RSRP1: variants seen among roughly 807,000 people sequenced by gnomAD.
RSRP1 encodes arginine/serine-rich protein 1.
In RSRP1, 37 loss-of-function variants were observed where a neutral mutation model predicts 33.0. The ratio of observed to expected loss-of-function variants is 1.12; its 90% CI spans 0.86 to 1.48. The LOEUF (loss-of-function observed/expected upper bound fraction) is 1.48. Ranked by LOEUF, RSRP1 falls within the 40% of genes most tolerant of loss-of-function variation. The pLI is 0.00. For synonymous variants in RSRP1, 167 were observed against 158.7 expected, an observed-to-expected ratio of 1.05 and a Z score of -0.40; for missense variants, 402 against 385.3, an observed-to-expected ratio of 1.04 and a Z score of -0.36.
At chr1:25,322,814 C>T (rs1644787545) in intron 1 of RSRP1, among the ~76,000 whole-genome samples, 3 of 124,970 alleles carry the variant, frequency 2.4e-5, no homozygotes, top group Admixed American at 2.4e-4. Context: ...TTCTCTCGGC[C>T]CCAAAGAAGG....
intron 1 of RSRP1, among the ~76,000 whole-genome samples, chr1:25,258,903 T>C (rs892929268): frequency 1.3e-5 from 2 of 152,172 alleles, no homozygotes; most frequent in African/African-American, 2.4e-5. Flanking sequence ...GCGCAGGCAC[T>C]GGAGTCAGAG....
In RSRP1 at chr1:25,269,240, A is replaced by C. The variant is rs1377965931; in HGVS notation, c.-66-22211T>G. Reference sequence around the variant, plus strand: ...CCTCTAACACAAAGCCTATTTTATGATAAAGTATTGAATATCTCATGTAAT... The same window carrying C: ...CCTCTAACACAAAGCCTATTTTATGCTAAAGTATTGAATATCTCATGTAAT... On this transcript the variant is annotated intron_variant, in intron 1 of 1. Transcript: ENST00000561867. Among the ~76,000 whole-genome samples, 4 of 133,104 alleles carry C rather than the reference A, an allele frequency of 3.0e-5. No individual in the cohort carries two copies. The East Asian group carries it at 7.8e-4, about 26-fold the overall frequency. 87.3% of individuals were successfully genotyped at this position (133,104 alleles called of 152,430 possible).
chr1:25,270,455 G>A lies in RSRP1; in HGVS notation c.-66-23426C>T, dbSNP rs1417948994. Among the ~76,000 whole-genome samples the A allele has an allele frequency of 2.3e-5, 3 of 131,064 alleles. 1 individual carries two copies. Among genetic ancestry groups the A allele is most frequent in the Non-Finnish European group, 5.4e-5 (3 of 55,520 alleles). The allele number at this position is 131,064 out of a possible 152,430, so 86.0% of individuals were successfully genotyped here. On this transcript the variant is annotated intron_variant, in intron 1 of 1. Coordinates refer to the RSRP1 transcript ENST00000561867. ...TCTCATAGGGGCACAAACCCTATTG[G>A]GAACCGCGCATGAGAGGGATCTAGG...
At chr1:25,334,295 CT>C (rs1645051940) in intron 1 of RSRP1, among the ~76,000 whole-genome samples, 1 of 131,990 alleles carries the variant, frequency 7.6e-6, no homozygotes, top group African/African-American at 2.6e-5. Context: ...AATCTTAAAG[CT>C]CCAAAATGAT....
At chr1:25,300,993 T>G (rs1643344225) in intron 1 of RSRP1, 1 of 1,375,464 alleles carries the variant, frequency 7.3e-7, no homozygotes. Flanking sequence ...TCGCAGCCTA[T>G]TTTGGGCTGT....
At chr1:25,266,860 T>C (rs2124567882) in intron 1 of RSRP1, 1 of 121,482 alleles carries the variant, frequency 8.2e-6, no homozygotes. Flanking sequence ...GCACACGACC[T>C]TCCCCCGAGA....
rs758789595 is a variant in RSRP1, at chr1:25,246,601, AG to A, written c.362del (p.Ser121PhefsTer50). 1.9e-6 allele frequency: 3 copies of A among 1,614,098 alleles called. No individual in the cohort carries two copies. In the Admixed American group the frequency reaches 5.0e-5, roughly 27 times the overall value. ...YRSRSRSRSR[S>X]RGRSYCGRAY... ...CCCTTCCGCAGTACGACCTTCCCCGAGAGCGCGACCTGCTACGGGACCGGGA... is the reference window on the plus strand; with the variant it reads ...CCCTTCCGCAGTACGACCTTCCCCGAAGCGCGACCTGCTACGGGACCGGGA... On this transcript the variant is annotated frameshift_variant, in exon 2 of 5. Coordinates refer to ENST00000243189, the MANE Select transcript of RSRP1 (RefSeq NM_020317.5). LOFTEE classifies it high-confidence loss of function.
At chr1:25,283,710 G>T (rs1302958368) in intron 1 of RSRP1, among the ~76,000 whole-genome samples, 1 of 133,828 alleles carries the variant, frequency 7.5e-6, no homozygotes, top group Non-Finnish European at 1.8e-5. Context: ...CATGGTAAAC[G>T]CTTAGGAAAT....
At position 25,280,334 on chromosome 1, in the gene RSRP1, C is replaced by T. The variant is rs550534602; in HGVS notation, c.-66-33305G>A. ...TTTTTTTTTTTTTTTGAGCTGCAGT[C>T]TCACTCTGTCATCCAGGCTGGAGTA... On this transcript the variant is annotated intron_variant, in intron 1 of 1. Coordinates refer to the RSRP1 transcript ENST00000561867. 8.8e-4 allele frequency among the ~76,000 whole-genome samples: 106 copies of T among 120,778 alleles called. 12 individuals carry two copies. The highest frequency in any genetic ancestry group is 2.7e-3 in the African/African-American group (96 of 34,918). The allele number at this position is 120,778 out of a possible 152,430, so 79.2% of individuals were successfully genotyped here.
In RSRP1 at chr1:25,302,608, G is replaced by C. The variant is rs1321521735; in HGVS notation, c.-67+35370C>G. On this transcript the variant is annotated intron_variant, in intron 1 of 1. Coordinates refer to the RSRP1 transcript ENST00000561867. ...AGAGCAAGGCAAGGCTCCGGTTCTG[G>C]AGCAGTGAAGGACATAGCAGAGCTA... 3.1e-5 allele frequency among the ~76,000 whole-genome samples: 4 copies of C among 129,804 alleles called. 2 individuals carry two copies. The highest frequency in any genetic ancestry group is 7.3e-5 in the Non-Finnish European group (4 of 55,106). The allele number at this position is 129,804 out of a possible 152,430, so 85.2% of individuals were successfully genotyped here.
intron 1 of RSRP1, among the ~76,000 whole-genome samples, chr1:25,255,805 C>T (rs976799614): frequency 2.0e-5 from 3 of 152,090 alleles, no homozygotes; most frequent in South Asian, 2.1e-4. Context: ...CTAGATTCCT[C>T]GCATGCACAG....
At chr1:25,260,952 C>T (rs1192338356) in intron 1 of RSRP1, among the ~76,000 whole-genome samples, 1 of 152,058 alleles carries the variant, frequency 6.6e-6, no homozygotes, top group East Asian at 1.9e-4. Flanking sequence ...CAGGTGCCCG[C>T]CATCATGTCT....
At chr1:25,299,070 G>GAGA (rs746810539) in intron 1 of RSRP1, among the ~76,000 whole-genome samples, 1 of 61,062 alleles carries the variant, frequency 1.6e-5, no homozygotes, top group Non-Finnish European at 3.5e-5. Context: ...AGCACATGGT[G>GAGA]ATAAAAAAAA....
intron 1 of RSRP1, among the ~76,000 whole-genome samples, chr1:25,258,948 G>C (rs1377676427): frequency 6.6e-6 from 1 of 152,100 alleles, no homozygotes; most frequent in Non-Finnish European, 1.5e-5. Context: ...GCCACTCTTT[G>C]AGGAGAATCT....
chr1:25,262,136 C>G (rs644630), intron 1 of RSRP1, among the ~76,000 whole-genome samples: 6 of 152,172 alleles, frequency 3.9e-5, no homozygotes, highest in Non-Finnish European at 5.9e-5. Context: ...ATCCATGAAT[C>G]AACTATAGTC....
chr1:25,303,056 T>A (rs1414770613), intron 1 of RSRP1, among the ~76,000 whole-genome samples: 2 of 131,702 alleles, frequency 1.5e-5, no homozygotes, highest in East Asian at 3.9e-4. Flanking sequence ...CCTAGGATGC[T>A]GAGCACCTGG....
intron 1 of RSRP1, among the ~76,000 whole-genome samples, chr1:25,295,857 T>G (rs1307995634): frequency 5.1e-5 from 2 of 39,294 alleles, no homozygotes; most frequent in Non-Finnish European, 1.6e-4. Context: ...GAAATTTTTT[T>G]TTTTTTTTTT....
intron 1 of RSRP1, chr1:25,330,116 G>C (rs1326572158): frequency 7.5e-6 from 1 of 132,512 alleles, no homozygotes; most frequent in Non-Finnish European, 1.8e-5. Context: ...CTCTTCTGAA[G>C]GCTGATACGA....
At chr1:25,257,592 T>G (rs1197165189) in intron 1 of RSRP1, among the ~76,000 whole-genome samples, 1 of 150,348 alleles carries the variant, frequency 6.7e-6, no homozygotes, top group African/African-American at 2.5e-5. Flanking sequence ...AGGCTGGAGA[T>G]GCAGATTTTT....
Sources: gnomAD v4.1 joint callset for allele counts (sites outside exome capture counted in the v4.1 genomes callset) on GRCh38, gnomAD v4.1.1 for gene constraint, MANE v1.5 for transcripts, NCBI Gene and HGNC (gene_info 2026-07-23, HGNC 2026-07-21) for gene names.